Variants in PTPRZ1 observed in about 807,000 individuals in gnomAD.
The protein encoded by PTPRZ1 is receptor-type tyrosine-protein phosphatase zeta.
A neutral mutation model predicts 214.1 loss-of-function variants in PTPRZ1; 82 were observed. The observed-to-expected ratio is 0.38, with a 90% CI of 0.32 to 0.46. The LOEUF (loss-of-function observed/expected upper bound fraction) is 0.46. Among genes scored for constraint, PTPRZ1 ranks in the 20% least tolerant of loss-of-function variants. The pLI, the probability that PTPRZ1 is intolerant of heterozygous loss-of-function variation, is 1.00. For missense variants in PTPRZ1, 2,603 were observed against 2,748.7 expected (o/e 0.95, Z 1.19); for synonymous variants, 945 against 987.9 (o/e 0.96, Z 0.81).
At chr7:122,022,325 T>A (rs1799041867) in intron 13 of PTPRZ1, among the ~76,000 whole-genome samples, 1 of 152,246 alleles carries the variant, frequency 6.6e-6, no homozygotes, top group Admixed American at 6.5e-5. Context: ...CTTTTTTTGA[T>A]AAATGTGTAT....
chr7:121,969,151 T>A (rs1374979552), intron 3 of PTPRZ1, among the ~76,000 whole-genome samples: 1 of 152,118 alleles, frequency 6.6e-6, no homozygotes, highest in Admixed American at 6.6e-5. Context: ...GACACAAGAA[T>A]CACTTGAACT....
chr7:121,891,085 ACG>A (rs1794588689), intron 1 of PTPRZ1, among the ~76,000 whole-genome samples: 1 of 151,620 alleles, frequency 6.6e-6, no homozygotes, highest in East Asian at 1.9e-4. Context: ...ATTCTTTTCA[ACG>A]CCTTTGTTGT....
rs1311710743 is a variant in PTPRZ1, at chr7:122,036,655, T to C, written c.5340T>C (p.Thr1780=). The C allele has an allele frequency of 1.9e-6, 3 of 1,607,540 alleles. No individual in the cohort carries two copies. The highest frequency in any genetic ancestry group is 1.7e-6 in the Non-Finnish European group (2 of 1,174,110). The change falls in exon 18 of 30, where the codon ACT becomes ACC. Residue 1780 remains threonine (T), a synonymous_variant. Coordinates refer to ENST00000393386, the MANE Select transcript of PTPRZ1 (RefSeq NM_002851.3). ...AQLAEKDGKL[T]DYINANYVDG... is the part of the protein sequence containing the mutation. The stretch of plus-strand genomic sequence containing the variant: ...TTGCTGAAAAGGATGGCAAACTGAC[T>C]GATTATATCAATGCCAATTATGTTG...
intron 14 of PTPRZ1, 89 bp downstream of exon 14, chr7:122,028,732 G>A (rs949600938): frequency 3.0e-6 from 3 of 987,448 alleles, no homozygotes; most frequent in Non-Finnish European, 4.7e-6. Flanking sequence ...GGGACACTAT[G>A]CAAATTGCTA....
At chr7:121,929,148 G>A (rs1384948578) in intron 2 of PTPRZ1, among the ~76,000 whole-genome samples, 2 of 115,496 alleles carry the variant, frequency 1.7e-5, no homozygotes, top group African/African-American at 4.2e-5. Flanking sequence ...ATAGGTTCAA[G>A]TACAAAGAAA....
intron 23 of PTPRZ1, among the ~76,000 whole-genome samples, chr7:122,048,787 TTAA>T (rs1792079851): frequency 6.6e-6 from 1 of 152,042 alleles, no homozygotes; most frequent in Admixed American, 6.6e-5. Context: ...CCAAAATAAT[TTAA>T]TGTCACATTT....
At chr7:121,885,431 G>A (rs1384995693) in intron 1 of PTPRZ1, among the ~76,000 whole-genome samples, 3 of 152,252 alleles carry the variant, frequency 2.0e-5, no homozygotes, top group Admixed American at 6.5e-5. Flanking sequence ...AGCATAAAGC[G>A]TGAAATCACA....
chr7:122,040,917 C>A lies in PTPRZ1; in HGVS notation c.5739C>A (p.Thr1913=). ...GVPEYSLPVL[T]FVRKAAYAKR... ...CAGAGTACTCCCTGCCAGTGCTGAC[C>A]TTTGTGAGAAAGGCAGCCTATGCCA... is the stretch of plus-strand genomic sequence containing the variant. Residue 1913 remains threonine (T), a synonymous_variant, in exon 21 of 30, where the codon ACC becomes ACA. Transcript: ENST00000393386. 6.2e-7 allele frequency: 1 copy of A among 1,603,986 alleles called. No individual in the cohort carries two copies. Among genetic ancestry groups the A allele is most frequent in the South Asian group, 1.1e-5 (1 of 90,524 alleles).
chr7:121,974,179 G>A (rs970927508), intron 4 of PTPRZ1, among the ~76,000 whole-genome samples: 12 of 151,902 alleles, frequency 7.9e-5, no homozygotes, highest in African/African-American at 2.4e-4. Context: ...GATGGATATC[G>A]ACATTCATTT....
chr7:122,010,880 G>C lies in PTPRZ1; in HGVS notation c.1834G>C (p.Glu612Gln). Residue 612 changes from glutamate to glutamine, a missense_variant, in exon 12 of 30, where the codon GAA becomes CAA. Coordinates refer to ENST00000393386, the MANE Select transcript of PTPRZ1 (RefSeq NM_002851.3). ...ATCCCAAGGGTATATATTTTCCTCC[G>C]AAAACCCAGAGACAATAACATATGA... ...NISQGYIFSS[E>Q]NPETITYDVL... 6.2e-7 allele frequency: 1 copy of C among 1,613,876 alleles called. No individual in the cohort carries two copies. Among genetic ancestry groups the C allele is most frequent in the Non-Finnish European group, 8.5e-7 (1 of 1,179,944 alleles).
chr7:121,982,752 T>C (rs1313959807), intron 6 of PTPRZ1, among the ~76,000 whole-genome samples: 1 of 152,128 alleles, frequency 6.6e-6, no homozygotes, highest in Non-Finnish European at 1.5e-5. Flanking sequence ...TTATTATTTC[T>C]CATTCTCTGT....
At chr7:121,919,649 A>G (rs978411926) in intron 1 of PTPRZ1, among the ~76,000 whole-genome samples, 6 of 151,984 alleles carry the variant, frequency 3.9e-5, no homozygotes, top group Non-Finnish European at 7.4e-5. Context: ...ATTTTTATGT[A>G]TGTGTCAAGT....
intron 2 of PTPRZ1, among the ~76,000 whole-genome samples, chr7:121,967,520 C>T (rs1797080827): frequency 6.6e-6 from 1 of 152,138 alleles, no homozygotes; most frequent in African/African-American, 2.4e-5. Context: ...GGACTAACTA[C>T]CTTACAGGAC....
At chr7:122,056,971 A>G (rs1363552357) in intron 27 of PTPRZ1, among the ~76,000 whole-genome samples, 1 of 151,968 alleles carries the variant, frequency 6.6e-6, no homozygotes. Context: ...AAATTCATTT[A>G]CTGCTGCTGC....
At chr7:121,998,105 A>C in intron 10 of PTPRZ1, 99 bp downstream of exon 10, 1 of 1,341,532 alleles carries the variant, frequency 7.5e-7, no homozygotes, top group Non-Finnish European at 1.0e-6. Context: ...TTTTGGCCAA[A>C]AGGCAAAGTG....
At chr7:121,965,072 G>T (rs1797004930) in intron 2 of PTPRZ1, among the ~76,000 whole-genome samples, 1 of 152,196 alleles carries the variant, frequency 6.6e-6, no homozygotes, top group African/African-American at 2.4e-5. Flanking sequence ...TTTTTAAAGT[G>T]TACTTTAGTT....
intron 5 of PTPRZ1, among the ~76,000 whole-genome samples, 180 bp from the exon 6 acceptor site, chr7:121,976,605 G>A (rs1215030388): frequency 1.3e-5 from 2 of 152,042 alleles, no homozygotes; most frequent in East Asian, 1.9e-4. Flanking sequence ...AGTGAAATAT[G>A]TAAGTTACCT....
At chr7:122,048,345 A>G (rs1258571443) in intron 23 of PTPRZ1, among the ~76,000 whole-genome samples, 1 of 152,144 alleles carries the variant, frequency 6.6e-6, no homozygotes, top group Non-Finnish European at 1.5e-5. Context: ...GAATGTGAGT[A>G]AATAATATTG....
chr7:121,963,298 TG>T (rs1796935721), intron 2 of PTPRZ1, among the ~76,000 whole-genome samples: 1 of 152,216 alleles, frequency 6.6e-6, no homozygotes, highest in South Asian at 2.1e-4. Flanking sequence ...CAGGACAGGC[TG>T]CTTGTAAGGG....
Sources: gnomAD v4.1 joint callset for allele counts (sites outside exome capture counted in the v4.1 genomes callset) on GRCh38, gnomAD v4.1.1 for gene constraint, MANE v1.5 for transcripts, NCBI Gene and HGNC (gene_info 2026-07-23, HGNC 2026-07-21) for gene names.